Variants in DPP10 observed in about 807,000 individuals in gnomAD.
The protein encoded by DPP10 is dipeptidyl peptidase like 10.
In DPP10, 33 loss-of-function variants were observed where a neutral mutation model predicts 120.9. The observed-to-expected ratio is 0.27, with a 90% CI of 0.21 to 0.37. The LOEUF (loss-of-function observed/expected upper bound fraction) is 0.37. Among genes scored for constraint, DPP10 ranks in the 10% least tolerant of loss-of-function variants. The pLI, the probability that DPP10 is intolerant of heterozygous loss-of-function variation, is 1.00. For synonymous variants in DPP10, 337 were observed against 326.1 expected (o/e 1.03, Z -0.36); for missense variants, 816 against 942.8 (o/e 0.87, Z 1.76).
intron 3 of DPP10, among the ~76,000 whole-genome samples, chr2:115,358,262 A>T (rs112129216): frequency 0.077 from 11,719 of 152,168 alleles, 500 homozygotes; most frequent in Middle Eastern, 0.11. Flanking sequence ...CTGCTGCCAG[A>T]TATGCTAAAT....
intron 1 of DPP10, among the ~76,000 whole-genome samples, chr2:114,494,281 T>C (rs1045559260): frequency 7.9e-5 from 12 of 152,166 alleles, no homozygotes; most frequent in Admixed American, 2.6e-4. Context: ...TAATATTATC[T>C]TCCTCATAGT....
At chr2:115,243,632 A>C (rs886495241) in intron 1 of DPP10, among the ~76,000 whole-genome samples, 1 of 152,132 alleles carries the variant, frequency 6.6e-6, no homozygotes, top group Non-Finnish European at 1.5e-5. Context: ...AGTTACAGAA[A>C]ACAATTTATA....
intron 1 of DPP10, among the ~76,000 whole-genome samples, chr2:115,117,120 C>T (rs2049551689): frequency 6.6e-6 from 1 of 152,172 alleles, no homozygotes; most frequent in Non-Finnish European, 1.5e-5. Context: ...CTACACTCTT[C>T]CTGTTGTATT....
At chr2:115,162,362 T>A in intron 1 of DPP10, 3 of 1,382,598 alleles carry the variant, frequency 2.2e-6, no homozygotes, top group Non-Finnish European at 2.8e-6. Flanking sequence ...GGCCTCTTGG[T>A]TCCCCATTAA....
At chr2:115,101,730 G>A (rs1174561473) in intron 1 of DPP10, among the ~76,000 whole-genome samples, 1 of 152,188 alleles carries the variant, frequency 6.6e-6, no homozygotes, top group Non-Finnish European at 1.5e-5. Flanking sequence ...AAGATAACTG[G>A]ACTCCTAAAA....
intron 1 of DPP10, among the ~76,000 whole-genome samples, chr2:115,267,726 A>G (rs1377431706): frequency 6.6e-6 from 1 of 152,126 alleles, no homozygotes; most frequent in Non-Finnish European, 1.5e-5. Flanking sequence ...ATAGGTAAAC[A>G]CAATTCCAAT....
chr2:115,006,091 T>C lies in DPP10; in HGVS notation c.61-303148T>C, dbSNP rs940067690. ...CATTCTTAAAGAAAAGAATTTTCAA[T>C]CCAGAATTTCATATCCAGGCAAACT... On this transcript the variant is annotated intron_variant, in intron 1 of 25. Coordinates refer to ENST00000410059, the MANE Select transcript of DPP10 (RefSeq NM_020868.6). Among the ~76,000 whole-genome samples, 21 of 152,240 alleles carry C rather than the reference T, an allele frequency of 1.4e-4. 1 individual carries two copies. The South Asian group carries it at 4.4e-3, about 32-fold the overall frequency.
chr2:114,614,340 G>T (rs888880954), intron 1 of DPP10, among the ~76,000 whole-genome samples: 8 of 152,178 alleles, frequency 5.3e-5, no homozygotes, highest in African/African-American at 1.7e-4. Context: ...GTATTGTGTT[G>T]CTCTTGTTAT....
chr2:115,132,545 G>C (rs1452417724), intron 1 of DPP10, among the ~76,000 whole-genome samples: 1 of 152,114 alleles, frequency 6.6e-6, no homozygotes, highest in Non-Finnish European at 1.5e-5. Context: ...GAATCAGGTT[G>C]GAATTTAGCA....
At chr2:114,888,853 A>G (rs1467244) in intron 1 of DPP10, among the ~76,000 whole-genome samples, 93,000 of 151,924 alleles carry the variant, frequency 0.61, 29,013 homozygotes, top group African/African-American at 0.73. Flanking sequence ...TTTACACACA[A>G]GATGCACAGC....
At chr2:115,455,340 G>A (rs2073439175) in intron 3 of DPP10, among the ~76,000 whole-genome samples, 2 of 151,724 alleles carry the variant, frequency 1.3e-5, no homozygotes, top group East Asian at 3.9e-4. Flanking sequence ...AAATGTTAAG[G>A]ACCTAAAACA....
At chr2:114,958,600 A>G (rs545543060) in intron 1 of DPP10, among the ~76,000 whole-genome samples, 1 of 152,336 alleles carries the variant, frequency 6.6e-6, no homozygotes, top group South Asian at 2.1e-4. Context: ...TAATCATTCT[A>G]TAATGTAAGC....
intron 1 of DPP10, among the ~76,000 whole-genome samples, chr2:115,012,484 A>G (rs907584118): frequency 6.6e-6 from 1 of 152,188 alleles, no homozygotes. Context: ...CAGCTGCAAG[A>G]CCTGAAGGTG....
Position 115,734,890 on chromosome 2 carries a change from G to A in DPP10, c.698-4849G>A, listed in dbSNP as rs575358604. ...TAATTCAAGGAGTTTAAGCTATGAAGGGGCCCCTTATCATGAACAAGGTAA... is the reference window on the plus strand; with the variant it reads ...TAATTCAAGGAGTTTAAGCTATGAAAGGGCCCCTTATCATGAACAAGGTAA... On this transcript the variant is annotated intron_variant, in intron 8 of 25. Coordinates refer to ENST00000410059, the MANE Select transcript of DPP10 (RefSeq NM_020868.6). Among the ~76,000 whole-genome samples the A allele has an allele frequency of 8.6e-5, 13 of 151,982 alleles. No individual in the cohort carries two copies. The East Asian group carries it at 2.3e-3, about 27-fold the overall frequency.
At chr2:115,241,817 C>A (rs1362831484) in intron 1 of DPP10, among the ~76,000 whole-genome samples, 2 of 152,170 alleles carry the variant, frequency 1.3e-5, no homozygotes, top group African/African-American at 4.8e-5. Context: ...GAAAATCCTT[C>A]TATACCTCAG....
intron 1 of DPP10, among the ~76,000 whole-genome samples, chr2:114,646,450 C>T (rs1377660290): frequency 6.6e-6 from 1 of 152,146 alleles, no homozygotes; most frequent in Non-Finnish European, 1.5e-5. Flanking sequence ...ATGCCCAAGG[C>T]CAGACTCCAT....
intron 1 of DPP10, among the ~76,000 whole-genome samples, chr2:114,759,937 A>C (rs1460206890): frequency 1.3e-5 from 2 of 152,214 alleles, no homozygotes; most frequent in Non-Finnish European, 2.9e-5. Context: ...ATTTGGAATC[A>C]GTTATATGGA....
At chr2:114,678,291 A>G (rs1698800032) in intron 1 of DPP10, among the ~76,000 whole-genome samples, 1 of 152,032 alleles carries the variant, frequency 6.6e-6, no homozygotes, top group South Asian at 2.1e-4. Context: ...GAGTTTTTCA[A>G]ATATCTGAGT....
chr2:115,500,981 G>T (rs2076652482), intron 4 of DPP10, among the ~76,000 whole-genome samples: 1 of 151,972 alleles, frequency 6.6e-6, no homozygotes, highest in Admixed American at 6.6e-5. Context: ...CAGAATTCCA[G>T]AATTGATAAT....
Sources: allele counts gnomAD v4.1 joint callset (sites outside exome capture counted in the v4.1 genomes callset), GRCh38; gene constraint gnomAD v4.1.1; transcripts MANE v1.5; gene names NCBI Gene and HGNC (gene_info 2026-07-23, HGNC 2026-07-21).